Variants in TOR1AIP1 observed in about 807,000 individuals in gnomAD.
The protein encoded by TOR1AIP1 is torsin 1A interacting protein 1.
TOR1AIP1 carries 54 observed loss-of-function variants against 63.3 expected under a neutral mutation model. The ratio of observed to expected loss-of-function variants is 0.85; its 90% CI spans 0.69 to 1.07. The LOEUF (loss-of-function observed/expected upper bound fraction) is 1.07, where lower values mean the gene tolerates loss of function less well. Ranked by LOEUF, TOR1AIP1 falls within the 50% of genes least tolerant of loss-of-function variation. The probability of loss-of-function intolerance (pLI) is 0.00; values close to 1 mark genes in which losing one functional copy is unlikely to be tolerated. For missense variants in TOR1AIP1, 736 were observed against 715.0 expected (o/e 1.03, Z -0.33); for synonymous variants, 294 against 273.5 (o/e 1.07, Z -0.74).
At chr1:179,916,306 GT>G (rs1214422250) in intron 9 of TOR1AIP1, among the ~76,000 whole-genome samples, 1 of 152,140 alleles carries the variant, frequency 6.6e-6, no homozygotes, top group African/African-American at 2.4e-5. Flanking sequence ...ACATCTTAGT[GT>G]TAGAAGAATA....
intron 9 of TOR1AIP1, among the ~76,000 whole-genome samples, chr1:179,914,853 C>T (rs984964068): frequency 4.6e-5 from 7 of 151,782 alleles, no homozygotes; most frequent in South Asian, 4.2e-4. Flanking sequence ...TTCTTGGTAC[C>T]GCTTTACACT....
chr1:179,913,773 A>G (rs1418939489), intron 8 of TOR1AIP1: 5 of 663,962 alleles, frequency 7.5e-6, no homozygotes, highest in Admixed American at 6.8e-5. Flanking sequence ...GCTTTGTACT[A>G]GACCCCACCA....
rs34076333 is a variant in TOR1AIP1 at position 179,894,250 on chromosome 1, C to CAA, written c.610+4896_610+4897dup. On this transcript the variant is annotated intron_variant, in intron 3 of 9. Coordinates refer to ENST00000606911, the MANE Select transcript of TOR1AIP1 (RefSeq NM_015602.4). Reference sequence around the variant, plus strand: ...TGGGCGACAGAGCGAGACTCTGTCTCAAAAAAAAAAAAAAAAGAATAAAGA... The same window carrying CAA: ...TGGGCGACAGAGCGAGACTCTGTCTCAAAAAAAAAAAAAAAAAAGAATAAAGA... 1.1e-4 allele frequency among the ~76,000 whole-genome samples: 7 copies of CAA among 63,078 alleles called. No individual in the cohort carries two copies. In the East Asian group the frequency reaches 2.3e-3, roughly 21 times the overall value. 41.4% of individuals were successfully genotyped at this position (63,078 alleles called of 152,430 possible).
intron 1 of TOR1AIP1, 117 bp from the exon 2 acceptor site, chr1:179,884,574 TA>T: frequency 1.2e-6 from 1 of 809,820 alleles, no homozygotes; most frequent in Non-Finnish European, 1.9e-6. Flanking sequence ...CACCTGTTTC[TA>T]AAGAAACGAA....
At chr1:179,911,270 A>C (rs1648824221) in intron 8 of TOR1AIP1, among the ~76,000 whole-genome samples, 1 of 152,370 alleles carries the variant, frequency 6.6e-6, no homozygotes, top group East Asian at 1.9e-4. Context: ...CCTCTTCAAG[A>C]ATATTAAAAA....
intron 8 of TOR1AIP1, among the ~76,000 whole-genome samples, chr1:179,912,771 A>G (rs996931702): frequency 1.3e-5 from 2 of 152,202 alleles, no homozygotes; most frequent in South Asian, 4.1e-4. Context: ...TTGTCTTACT[A>G]CATCATTATG....
chr1:179,899,704 GCGCGA>G (rs1239733591), intron 3 of TOR1AIP1, among the ~76,000 whole-genome samples: 16 of 152,258 alleles, frequency 1.1e-4, no homozygotes, highest in Middle Eastern at 3.4e-3. Flanking sequence ...GTATACAGTG[GCGCGA>G]TCTCGGCTCA....
At chr1:179,888,990 A>G (rs1023859547) in intron 2 of TOR1AIP1, among the ~76,000 whole-genome samples, 10 of 152,250 alleles carry the variant, frequency 6.6e-5, no homozygotes, top group African/African-American at 2.4e-4. Context: ...AGTTGGTACC[A>G]TAATACAGAT....
intron 8 of TOR1AIP1, 144 bp from the exon 9 acceptor site, chr1:179,913,854 A>G: frequency 1.4e-6 from 1 of 727,548 alleles, no homozygotes; most frequent in Non-Finnish European, 2.3e-6. Context: ...CGGCACTCAG[A>G]TATTCTACTT....
At chr1:179,886,871 T>C (rs1647923729) in intron 2 of TOR1AIP1, among the ~76,000 whole-genome samples, 2 of 152,204 alleles carry the variant, frequency 1.3e-5, no homozygotes, top group Admixed American at 1.3e-4. Flanking sequence ...TGCCTCTTAA[T>C]GAAAGGAGAG....
chr1:179,913,604 G>A (rs1648903266), intron 8 of TOR1AIP1: 2 of 702,246 alleles, frequency 2.8e-6, no homozygotes, highest in African/African-American at 1.7e-5. Flanking sequence ...CCAGGCAAGA[G>A]TTCAATATAT....
Position 179,918,040 on chromosome 1 carries a change from C to CA in TOR1AIP1, c.1554dup (p.Leu519ThrfsTer11). On this transcript the variant is annotated frameshift_variant, in exon 10 of 10. Coordinates refer to ENST00000606911, the MANE Select transcript of TOR1AIP1 (RefSeq NM_015602.4). LOFTEE classifies it high-confidence loss of function. ...CTGACTGTCTTATTGGAGGAAGAGA[C>CA]ACTTGGAACAAGTCTAGGCCTAAAG... The CA allele has an allele frequency of 6.2e-7, 1 of 1,614,218 alleles. No individual in the cohort carries two copies. Among genetic ancestry groups the CA allele is most frequent in the Non-Finnish European group, 8.5e-7 (1 of 1,180,040 alleles).
rs1322618503 is a variant in TOR1AIP1, at chr1:179,917,468, C to T, written c.981C>T (p.Pro327=). ...STSSRQVTGQ[P]QNASFVKRNR... is the part of the protein sequence containing the mutation. ...TCTGAGTAGAAGTGACTGGACAACC[C>T]CAAAATGCATCTTTTGTCAAGAGGA... is the stretch of plus-strand genomic sequence containing the variant. Residue 327 remains proline, a synonymous_variant, in exon 10 of 10, where the codon CCC becomes CCT. Transcript: ENST00000606911. 1 of 1,612,076 alleles carries T rather than the reference C, an allele frequency of 6.2e-7. No homozygotes were observed. The highest frequency in any genetic ancestry group is 1.3e-5 in the African/African-American group (1 of 74,790).
chr1:179,912,917 T>C (rs1648884942), intron 8 of TOR1AIP1, among the ~76,000 whole-genome samples: 1 of 152,144 alleles, frequency 6.6e-6, no homozygotes. Context: ...AGGAAGTTCA[T>C]TTATATATAC....
intron 4 of TOR1AIP1, 86 bp from the exon 5 acceptor site, chr1:179,901,216 G>A (rs1215154687): frequency 1.9e-5 from 16 of 835,242 alleles, no homozygotes; most frequent in Non-Finnish European, 2.7e-5. Context: ...TTCTTTTAAT[G>A]TTAAATTATT....
intron 8 of TOR1AIP1, among the ~76,000 whole-genome samples, chr1:179,909,353 A>G (rs897089729): frequency 4.0e-5 from 6 of 151,790 alleles, no homozygotes; most frequent in Non-Finnish European, 8.8e-5. Context: ...TGCACAAGTT[A>G]TATTTTCATG....
chr1:179,906,954 G>A (rs1648656096), intron 6 of TOR1AIP1, among the ~76,000 whole-genome samples: 1 of 151,524 alleles, frequency 6.6e-6, no homozygotes, highest in South Asian at 2.1e-4. Flanking sequence ...AGCCAGGATG[G>A]TCTCGATCTC....
At position 179,882,382 on chromosome 1, in the gene TOR1AIP1, C is replaced by T; in HGVS notation, c.-121C>T. 9.4e-7 allele frequency: 1 copy of T among 1,059,254 alleles called. No individual in the cohort carries two copies. Among genetic ancestry groups the T allele is most frequent in the Non-Finnish European group, 1.3e-6 (1 of 793,776 alleles). 65.6% of individuals were successfully genotyped at this position (1,059,254 alleles called of 1,614,324 possible). A position where few individuals can be genotyped will look rare whatever the true frequency, so the allele number is the denominator to read the frequency against. On this transcript the variant is annotated 5_prime_UTR_variant, in exon 1 of 10. Coordinates refer to ENST00000606911, the MANE Select transcript of TOR1AIP1 (RefSeq NM_015602.4). ...AGGCGGCGGCCCCAGCGACTCGCAA[C>T]TGCCTCCCTGACCACAGCGGCCACC... is the stretch of plus-strand genomic sequence containing the variant.
intron 2 of TOR1AIP1, among the ~76,000 whole-genome samples, chr1:179,885,242 A>G (rs1647878063): frequency 6.6e-6 from 1 of 152,228 alleles, no homozygotes. Flanking sequence ...TTAAGATGCT[A>G]TCGACTATAA....
Sources: gnomAD v4.1 joint callset for allele counts (sites outside exome capture counted in the v4.1 genomes callset) on GRCh38, gnomAD v4.1.1 for gene constraint, MANE v1.5 for transcripts, NCBI Gene and HGNC (gene_info 2026-07-23, HGNC 2026-07-21) for gene names.